Variants in GABRB1 observed in about 807,000 individuals in gnomAD.
The protein encoded by GABRB1 is gamma-aminobutyric acid receptor subunit beta-1.
In GABRB1, 17 loss-of-function variants were observed where a neutral mutation model predicts 51.6. That is an observed-to-expected ratio of 0.33 (90% CI 0.23 to 0.49). GABRB1 has a LOEUF of 0.49. GABRB1 is among the 20% of genes least tolerant of loss of function. GABRB1 has a pLI of 0.99. For missense variants in GABRB1, 410 were observed against 600.6 expected (o/e 0.68, Z 3.32); for synonymous variants, 247 against 218.9 (o/e 1.13, Z -1.14).
chr4:47,196,020 AG>A (rs1719669065), intron 4 of GABRB1, among the ~76,000 whole-genome samples: 1 of 152,220 alleles, frequency 6.6e-6, no homozygotes, highest in African/African-American at 2.4e-5. Context: ...CATATGTAGT[AG>A]TACTGAACAT....
At chr4:47,229,920 C>G (rs1011552054) in intron 4 of GABRB1, among the ~76,000 whole-genome samples, 7 of 152,144 alleles carry the variant, frequency 4.6e-5, no homozygotes, top group Admixed American at 1.3e-4. Flanking sequence ...ATTCTAGCCT[C>G]CCAAATGATA....
chr4:47,109,742 T>A (rs1211726667), intron 3 of GABRB1, among the ~76,000 whole-genome samples: 1 of 152,132 alleles, frequency 6.6e-6, no homozygotes, highest in East Asian at 1.9e-4. Context: ...AGATGCAATT[T>A]AGGTGTTATC....
intron 5 of GABRB1, among the ~76,000 whole-genome samples, chr4:47,400,546 C>CTCTCTCTT (rs1553882300): frequency 4.9e-4 from 74 of 150,802 alleles, no homozygotes; most frequent in Admixed American, 7.2e-4. Flanking sequence ...CTCTCTCTCT[C>CTCTCTCTT]TCTCTCTCAG....
At chr4:47,331,999 G>A (rs1053981047) in intron 5 of GABRB1, among the ~76,000 whole-genome samples, 1 of 152,182 alleles carries the variant, frequency 6.6e-6, no homozygotes, top group Non-Finnish European at 1.5e-5. Flanking sequence ...CCCACTAGGT[G>A]TGAGTTGGGT....
At chr4:47,277,111 G>A (rs954950455) in intron 4 of GABRB1, among the ~76,000 whole-genome samples, 1 of 152,010 alleles carries the variant, frequency 6.6e-6, no homozygotes, top group Non-Finnish European at 1.5e-5. Flanking sequence ...AGGACTTAGT[G>A]GTATTATTAC....
chr4:47,166,284 A>G (rs1350859293), intron 4 of GABRB1, among the ~76,000 whole-genome samples: 2 of 151,934 alleles, frequency 1.3e-5, no homozygotes, highest in African/African-American at 2.4e-5. Context: ...TAAAAGTTAC[A>G]CTGAATGTGC....
At chr4:47,265,772 C>G (rs540078609) in intron 4 of GABRB1, among the ~76,000 whole-genome samples, 1 of 152,166 alleles carries the variant, frequency 6.6e-6, no homozygotes, top group Admixed American at 6.5e-5. Context: ...GTCCTTTGCT[C>G]ACTGCCTACG....
At chr4:47,119,051 T>C (rs1715628391) in intron 3 of GABRB1, among the ~76,000 whole-genome samples, 1 of 152,176 alleles carries the variant, frequency 6.6e-6, no homozygotes, top group African/African-American at 2.4e-5. Context: ...TTGAAACTTA[T>C]TTAAAACACT....
chr4:47,246,344 A>G (rs1280633535), intron 4 of GABRB1, among the ~76,000 whole-genome samples: 1 of 7,738 alleles, frequency 1.3e-4, no homozygotes, highest in African/African-American at 6.8e-4. Flanking sequence ...GTACATATAT[A>G]TATATATATA....
At chr4:47,030,354 G>A (rs1449398880), upstream of GABRB1, among the ~76,000 whole-genome samples, 2 of 151,852 alleles carry the variant, frequency 1.3e-5, no homozygotes, top group Admixed American at 1.3e-4. Flanking sequence ...CTAAGAATAT[G>A]CATAAGTTTC....
intron 4 of GABRB1, among the ~76,000 whole-genome samples, chr4:47,263,222 ATAAT>A (rs1722518904): frequency 6.8e-6 from 1 of 148,120 alleles, no homozygotes; most frequent in Non-Finnish European, 1.5e-5. Flanking sequence ...AAATAAATAA[ATAAT>A]GGAAAAGAGC....
At chr4:47,195,722 C>T (rs186091151) in intron 4 of GABRB1, among the ~76,000 whole-genome samples, 2 of 152,164 alleles carry the variant, frequency 1.3e-5, no homozygotes, top group African/African-American at 4.8e-5. Context: ...TTTATTTATA[C>T]CCAAATGGTA....
chr4:47,109,121 A>G (rs1715110633), intron 3 of GABRB1, among the ~76,000 whole-genome samples: 1 of 152,142 alleles, frequency 6.6e-6, no homozygotes. Flanking sequence ...TAATATTTTT[A>G]GCAGACTAGT....
chr4:47,094,242 T>C, intron 3 of GABRB1, among the ~76,000 whole-genome samples: 1 of 150,496 alleles, frequency 6.6e-6, no homozygotes, highest in South Asian at 2.1e-4. Context: ...TTTTTTTTTT[T>C]TTTGACAGAG....
intron 5 of GABRB1, among the ~76,000 whole-genome samples, chr4:47,391,284 A>T (rs1727983152): frequency 6.6e-6 from 1 of 152,224 alleles, no homozygotes; most frequent in South Asian, 2.1e-4. Flanking sequence ...AGTTAAACAA[A>T]GTGCGTGTGA....
intron 5 of GABRB1, among the ~76,000 whole-genome samples, chr4:47,394,828 T>C (rs965879202): frequency 1.3e-5 from 2 of 152,166 alleles, no homozygotes. Flanking sequence ...CTCATGGGCA[T>C]GGTGAATTCT....
chr4:47,036,479 A>C (rs1277845533), intron 3 of GABRB1, among the ~76,000 whole-genome samples: 2 of 152,164 alleles, frequency 1.3e-5, no homozygotes, highest in Non-Finnish European at 2.9e-5. Flanking sequence ...GGGGCCTGAC[A>C]TTCTGCATTT....
intron 4 of GABRB1, among the ~76,000 whole-genome samples, chr4:47,290,751 G>T (rs1253032130): frequency 6.6e-6 from 1 of 152,268 alleles, no homozygotes; most frequent in Non-Finnish European, 1.5e-5. Context: ...TTTTGCCCCT[G>T]CCCTAGAGAT....
chr4:47,360,153 T>G (rs1049596514), intron 5 of GABRB1, among the ~76,000 whole-genome samples: 8 of 151,656 alleles, frequency 5.3e-5, no homozygotes, highest in Admixed American at 5.3e-4. Flanking sequence ...CCCAGCATAA[T>G]CTCGAGAATC....
Sources: gnomAD v4.1 joint callset for allele counts (sites outside exome capture counted in the v4.1 genomes callset) on GRCh38, gnomAD v4.1.1 for gene constraint, MANE v1.5 for transcripts, NCBI Gene and HGNC (gene_info 2026-07-23, HGNC 2026-07-21) for gene names.